Variants in HCN1 observed in about 807,000 individuals in gnomAD.
HCN1 encodes the protein hyperpolarization activated cyclic nucleotide gated potassium channel 1, also known as potassium/sodium hyperpolarization-activated cyclic nucleotide-gated channel 1.
Under a neutral mutation model 78.9 loss-of-function variants are expected in HCN1, and 13 were observed. The ratio of observed to expected loss-of-function variants is 0.16; its 90% confidence interval spans 0.11 to 0.26. The LOEUF is 0.26. HCN1 is among the 10% of genes least tolerant of loss of function. The pLI, the probability that HCN1 is intolerant of heterozygous loss-of-function variation, is 1.00. For synonymous variants in HCN1, 552 were observed against 455.5 expected, an observed-to-expected ratio of 1.21 and a Z score of -2.70; for missense variants, 810 against 1,154.3, an observed-to-expected ratio of 0.70 and a Z score of 4.32.
intron 2 of HCN1, among the ~76,000 whole-genome samples, chr5:45,550,177 A>G (rs1743335456): frequency 2.0e-5 from 3 of 152,244 alleles, no homozygotes; most frequent in East Asian, 3.9e-4. Flanking sequence ...AAATCATGCT[A>G]CTATAAAGAC....
chr5:45,492,453 C>A (rs1394586331), intron 2 of HCN1, among the ~76,000 whole-genome samples: 1 of 140,722 alleles, frequency 7.1e-6, no homozygotes, highest in East Asian at 2.1e-4. Flanking sequence ...CTTTTCTTAT[C>A]CATGCTCGTC....
intron 2 of HCN1, among the ~76,000 whole-genome samples, chr5:45,494,916 G>T (rs1266337579): frequency 6.7e-6 from 1 of 148,356 alleles, no homozygotes; most frequent in African/African-American, 2.5e-5. Context: ...TTGTAGATAT[G>T]TGGCATTATT....
intron 4 of HCN1, among the ~76,000 whole-genome samples, chr5:45,389,970 C>T (rs1388739183): frequency 6.6e-6 from 1 of 152,050 alleles, no homozygotes; most frequent in African/African-American, 2.4e-5. Flanking sequence ...TATTTTTGGC[C>T]ATAATCTAGG....
chr5:45,445,032 C>T (rs1052047732), intron 3 of HCN1, among the ~76,000 whole-genome samples: 6 of 152,080 alleles, frequency 3.9e-5, no homozygotes, highest in African/African-American at 7.2e-5. Context: ...AGACAGTGGG[C>T]GCAGGACAGT....
chr5:45,457,573 T>C (rs1455434162), intron 3 of HCN1, among the ~76,000 whole-genome samples: 1 of 152,142 alleles, frequency 6.6e-6, no homozygotes, highest in Non-Finnish European at 1.5e-5. Flanking sequence ...TCCTAGTCAA[T>C]TTAAGTAGCC....
chr5:45,611,809 G>T (rs1744843075), intron 2 of HCN1, among the ~76,000 whole-genome samples: 1 of 151,866 alleles, frequency 6.6e-6, no homozygotes, highest in African/African-American at 2.4e-5. Context: ...CAACAACTTG[G>T]ACAGTCAATT....
intron 6 of HCN1, among the ~76,000 whole-genome samples, chr5:45,286,441 C>A (rs899352835): frequency 3.3e-5 from 5 of 151,866 alleles, no homozygotes; most frequent in Admixed American, 2.0e-4. Context: ...TAACATATTT[C>A]AAATCTTTAC....
At position 45,548,750 on chromosome 5, in the gene HCN1, T is replaced by C. The variant is rs547073317; in HGVS notation, c.850-86743A>G. Among the ~76,000 whole-genome samples, 5 of 152,116 alleles carry C rather than the reference T, an allele frequency of 3.3e-5. No homozygotes were observed. The South Asian group carries it at 6.2e-4, about 19-fold the overall frequency. On this transcript the variant is annotated intron_variant, in intron 2 of 7. Coordinates refer to ENST00000303230, the MANE Select transcript of HCN1 (RefSeq NM_021072.4). ...ATGATTGTGTACATAGAAAACCCCA[T>C]TGTCTCAGCTCAAAATCTCCTTAAG...
intron 1 of HCN1, among the ~76,000 whole-genome samples, chr5:45,647,418 C>T (rs963360441): frequency 6.6e-6 from 1 of 152,082 alleles, no homozygotes; most frequent in Non-Finnish European, 1.5e-5. Flanking sequence ...CACTTCTGGG[C>T]ACTCCTATCA....
chr5:45,675,979 TC>T, intron 1 of HCN1, among the ~76,000 whole-genome samples: 1 of 151,746 alleles, frequency 6.6e-6, no homozygotes, highest in African/African-American at 2.4e-5. Context: ...CAAGACTCAG[TC>T]CTGTTGGTCA....
At chr5:45,267,408 TATCCGACTGCCA>T (rs1744879530) in intron 6 of HCN1, among the ~76,000 whole-genome samples, 155 bp from the exon 7 acceptor site, 1 of 151,750 alleles carries the variant, frequency 6.6e-6, no homozygotes, top group Non-Finnish European at 1.5e-5. Flanking sequence ...CTGACAAAAA[TATCCGACTGCCA>T]ATACTCAATC....
intron 2 of HCN1, among the ~76,000 whole-genome samples, chr5:45,497,533 T>C (rs527899556): frequency 3.3e-5 from 5 of 152,208 alleles, no homozygotes; most frequent in Non-Finnish European, 7.3e-5. Flanking sequence ...ACCCCTGCCT[T>C]TTTTTGTTTT....
intron 2 of HCN1, among the ~76,000 whole-genome samples, chr5:45,497,602 A>C (rs1238911489): frequency 4.6e-5 from 7 of 152,056 alleles, no homozygotes; most frequent in Non-Finnish European, 8.8e-5. Flanking sequence ...GTGTCTCTGC[A>C]CGTGAGATGG....
At chr5:45,579,476 G>C (rs896959749) in intron 2 of HCN1, among the ~76,000 whole-genome samples, 1 of 151,920 alleles carries the variant, frequency 6.6e-6, no homozygotes, top group Non-Finnish European at 1.5e-5. Context: ...TTCGTCTCCT[G>C]CAAGTATCTA....
chr5:45,543,459 T>G (rs1743144278), intron 2 of HCN1, among the ~76,000 whole-genome samples: 1 of 152,094 alleles, frequency 6.6e-6, no homozygotes, highest in African/African-American at 2.4e-5. Flanking sequence ...TTTATCTTCT[T>G]GCTAGGATAT....
intron 1 of HCN1, among the ~76,000 whole-genome samples, chr5:45,687,890 G>A (rs567855582): frequency 3.4e-4 from 52 of 152,158 alleles, no homozygotes; most frequent in African/African-American, 1.2e-3. Flanking sequence ...CCAGTTTCCC[G>A]ACTGAGAAAA....
At chr5:45,476,869 T>C (rs1741528403) in intron 2 of HCN1, among the ~76,000 whole-genome samples, 1 of 152,080 alleles carries the variant, frequency 6.6e-6, no homozygotes, top group African/African-American at 2.4e-5. Flanking sequence ...ATTAATATAT[T>C]GCATAAAGTT....
chr5:45,410,462 C>T (rs1740002138), intron 3 of HCN1, among the ~76,000 whole-genome samples: 1 of 151,976 alleles, frequency 6.6e-6, no homozygotes, highest in Admixed American at 6.6e-5. Flanking sequence ...AACCATTCTC[C>T]TATGCTAAAG....
At chr5:45,503,370 C>T (rs994289075) in intron 2 of HCN1, among the ~76,000 whole-genome samples, 4 of 151,724 alleles carry the variant, frequency 2.6e-5, no homozygotes, top group Non-Finnish European at 5.9e-5. Flanking sequence ...GTATCTCTAA[C>T]GAATAAATAG....
Sources: gnomAD v4.1 joint callset for allele counts (sites outside exome capture counted in the v4.1 genomes callset) on GRCh38, gnomAD v4.1.1 for gene constraint, MANE v1.5 for transcripts, NCBI Gene and HGNC (gene_info 2026-07-23, HGNC 2026-07-21) for gene names.